The following FAM193A variants were observed in gnomAD, a reference collection of about 807,000 sequenced individuals.
The protein encoded by FAM193A is protein FAM193A.
Under a neutral mutation model 126.5 loss-of-function variants are expected in FAM193A, and 22 were observed. The ratio of observed to expected loss-of-function variants is 0.17; its 90% confidence interval spans 0.12 to 0.25. FAM193A has a LOEUF of 0.25. Among genes scored for constraint, FAM193A ranks in the 10% least tolerant of loss-of-function variants. The probability of loss-of-function intolerance (pLI) is 1.00; values close to 1 mark genes in which losing one functional copy is unlikely to be tolerated. For synonymous variants in FAM193A, 761 were observed against 646.8 expected (o/e 1.18, Z -2.68); for missense variants, 1,675 against 1,672.8 (o/e 1.00, Z -0.02).
At chr4:2,589,019 T>C (rs1740381442) in intron 1 of FAM193A, among the ~76,000 whole-genome samples, 1 of 152,244 alleles carries the variant, frequency 6.6e-6, no homozygotes, top group Admixed American at 6.5e-5. Flanking sequence ...TTGTAGATAT[T>C]TGTGCTGTCC....
intron 1 of FAM193A, among the ~76,000 whole-genome samples, chr4:2,591,932 C>T (rs1305447710): frequency 6.6e-6 from 1 of 152,130 alleles, no homozygotes; most frequent in African/African-American, 2.4e-5. Flanking sequence ...GCAATACTGC[C>T]ATCTTAGCCA....
At chr4:2,598,477 A>T (rs139058412) in intron 2 of FAM193A, among the ~76,000 whole-genome samples, 1 of 152,304 alleles carries the variant, frequency 6.6e-6, no homozygotes, top group African/African-American at 2.4e-5. Context: ...TGCTAAAGTT[A>T]TGTTAATGAT....
At chr4:2,677,744 A>G (rs1042973564) in intron 13 of FAM193A, among the ~76,000 whole-genome samples, 41 of 150,308 alleles carry the variant, frequency 2.7e-4, no homozygotes, top group African/African-American at 5.1e-4. Flanking sequence ...ACTGTCTCAA[A>G]AAAAAAAAAA....
rs529428957 is a variant in FAM193A, at chr4:2,600,012, G to T, written c.501+3683G>T. On this transcript the variant is annotated intron_variant, in intron 2 of 20. Transcript: ENST00000637812. ...CCTCCTGGGTTCAGGTGATTCTCATGCCTCAGCCTCCCGAGTACCGGGGAC... is the reference window on the plus strand; with the variant it reads ...CCTCCTGGGTTCAGGTGATTCTCATTCCTCAGCCTCCCGAGTACCGGGGAC... Among the ~76,000 whole-genome samples, 11 of 152,164 alleles carry T rather than the reference G, an allele frequency of 7.2e-5. No homozygotes were observed. The East Asian group carries it at 2.1e-3, about 29-fold the overall frequency.
At chr4:2,606,037 G>A (rs1418585035) in intron 2 of FAM193A, among the ~76,000 whole-genome samples, 1 of 118,860 alleles carries the variant, frequency 8.4e-6, no homozygotes, top group African/African-American at 3.1e-5. Context: ...TGTATATTTT[G>A]CAAACCTCTT....
chr4:2,556,945 A>T (rs1738294046), intron 1 of FAM193A, among the ~76,000 whole-genome samples: 1 of 152,174 alleles, frequency 6.6e-6, no homozygotes, highest in African/African-American at 2.4e-5. Context: ...TTTTAGAATA[A>T]TTTTAGATTT....
At chr4:2,622,257 CAAAAAAAAAAAAAAAAA>C (rs71178493) in intron 2 of FAM193A, among the ~76,000 whole-genome samples, 1 of 55,546 alleles carries the variant, frequency 1.8e-5, no homozygotes, top group Admixed American at 2.5e-4. Context: ...ACCCTGTCTC[CAAAAAAAAAAAAAAAAA>C]AAAAAAAAAC....
intron 7 of FAM193A, among the ~76,000 whole-genome samples, chr4:2,653,283 A>C (rs1257535627): frequency 6.6e-6 from 1 of 152,156 alleles, no homozygotes; most frequent in East Asian, 1.9e-4. Context: ...TGTTCTAGGG[A>C]AAATGGTATA....
chr4:2,706,345 G>A (rs1366083877), intron 19 of FAM193A, among the ~76,000 whole-genome samples: 1 of 131,792 alleles, frequency 7.6e-6, no homozygotes, highest in Admixed American at 9.0e-5. Flanking sequence ...TGCCCAGGCT[G>A]GAGTACAATG....
intron 2 of FAM193A, among the ~76,000 whole-genome samples, chr4:2,619,223 A>G (rs1742390588): frequency 6.6e-6 from 1 of 152,030 alleles, no homozygotes; most frequent in Non-Finnish European, 1.5e-5. Context: ...TCTTGAACAT[A>G]TGGAGTTTCT....
At chr4:2,650,540 G>A (rs878867412) in intron 7 of FAM193A, among the ~76,000 whole-genome samples, 3 of 152,260 alleles carry the variant, frequency 2.0e-5, no homozygotes, top group Admixed American at 2.0e-4. Context: ...TGGGGGCAGA[G>A]ATGGGAGCTC....
intron 1 of FAM193A, among the ~76,000 whole-genome samples, chr4:2,545,822 C>G (rs1737511154): frequency 6.6e-6 from 1 of 152,152 alleles, no homozygotes; most frequent in Non-Finnish European, 1.5e-5. Context: ...GCTGGGACTA[C>G]AGGTGTGCAC....
At chr4:2,535,601 C>T (rs1264194307), upstream of FAM193A, among the ~76,000 whole-genome samples, 1 of 152,238 alleles carries the variant, frequency 6.6e-6, no homozygotes, top group Non-Finnish European at 1.5e-5. Context: ...CAGGGCAGAG[C>T]TCTGCCTGGG....
At chr4:2,712,796 T>G (rs1719122879) in intron 19 of FAM193A, among the ~76,000 whole-genome samples, 1 of 152,106 alleles carries the variant, frequency 6.6e-6, no homozygotes, top group Non-Finnish European at 1.5e-5. Context: ...GTTTTTTGCT[T>G]TTTTATTTAA....
chr4:2,573,444 C>T (rs183720957), intron 1 of FAM193A, among the ~76,000 whole-genome samples: 244 of 149,050 alleles, frequency 1.6e-3, no homozygotes, highest in Middle Eastern at 0.01. Context: ...ACCCAGGAGG[C>T]GGAGGTTGCA....
intron 4 of FAM193A, among the ~76,000 whole-genome samples, chr4:2,628,533 A>G (rs1243953572): frequency 6.6e-6 from 1 of 152,112 alleles, no homozygotes; most frequent in Non-Finnish European, 1.5e-5. Flanking sequence ...GTTGCTTGGG[A>G]GGCTGAGGCA....
intron 1 of FAM193A, among the ~76,000 whole-genome samples, chr4:2,559,144 G>C (rs1306406329): frequency 6.6e-6 from 1 of 152,182 alleles, no homozygotes; most frequent in African/African-American, 2.4e-5. Flanking sequence ...ACTGTTCTTT[G>C]TGTGTTTGTA....
intron 1 of FAM193A, among the ~76,000 whole-genome samples, chr4:2,543,869 CAAAAAAAAAAAA>C (rs71178473): frequency 2.8e-5 from 2 of 71,738 alleles, no homozygotes; most frequent in Admixed American, 2.3e-4. Context: ...GACATTGTCT[CAAAAAAAAAAAA>C]AAAAAAAAAA....
At chr4:2,595,857 T>C (rs1014312343) in intron 1 of FAM193A, among the ~76,000 whole-genome samples, 1 of 152,184 alleles carries the variant, frequency 6.6e-6, no homozygotes, top group Non-Finnish European at 1.5e-5. Flanking sequence ...GGGGTTAATT[T>C]TGACAATTTT....
Sources: allele counts gnomAD v4.1 joint callset (sites outside exome capture counted in the v4.1 genomes callset), GRCh38; gene constraint gnomAD v4.1.1; transcripts MANE v1.5; gene names NCBI Gene and HGNC (gene_info 2026-07-23, HGNC 2026-07-21).